MAST2: variants seen among roughly 807,000 people sequenced by gnomAD.
MAST2 encodes the protein microtubule associated serine/threonine kinase 2, also known as microtubule-associated serine/threonine-protein kinase 2.
A neutral mutation model predicts 147.4 loss-of-function variants in MAST2; 70 were observed. The observed-to-expected ratio is 0.47, with a 90% CI of 0.39 to 0.58. The LOEUF (loss-of-function observed/expected upper bound fraction) is 0.58, where lower values mean the gene tolerates loss of function less well. Among genes scored for constraint, MAST2 ranks in the 20% least tolerant of loss-of-function variants. The pLI is 0.00. For synonymous variants in MAST2, 869 were observed against 896.8 expected (o/e 0.97, Z 0.55); for missense variants, 2,080 against 2,302.3 (o/e 0.90, Z 1.98).
chr1:45,944,827 T>G (rs909482654), intron 4 of MAST2, among the ~76,000 whole-genome samples: 1 of 152,234 alleles, frequency 6.6e-6, no homozygotes, highest in Admixed American at 6.5e-5. Flanking sequence ...GGAAGCCTCC[T>G]GTCCTTCTGT....
chr1:46,024,005 A>G (rs1369412308), intron 15 of MAST2, 25 bp downstream of exon 15: 7 of 1,608,710 alleles, frequency 4.4e-6, no homozygotes, highest in Non-Finnish European at 6.0e-6. Flanking sequence ...GTGGCCTGGC[A>G]TGGAGGCCAA....
intron 4 of MAST2, among the ~76,000 whole-genome samples, chr1:45,923,277 C>T (rs1161746439): frequency 5.3e-5 from 8 of 152,158 alleles, no homozygotes; most frequent in African/African-American, 7.2e-5. Flanking sequence ...TCCACCTTGG[C>T]GTCTGCACCG....
At chr1:45,861,528 A>G (rs910750101) in intron 3 of MAST2, among the ~76,000 whole-genome samples, 1 of 152,162 alleles carries the variant, frequency 6.6e-6, no homozygotes. Flanking sequence ...CTTTACCACT[A>G]AAGTTACAAA....
At position 45,839,215 on chromosome 1, in the gene MAST2, G is replaced by A. The variant is rs187089563; in HGVS notation, c.468+9634G>A. ...ATGGTCTCAGCTCACTGCGACCTCC[G>A]CCTCCCGGGTTCAAGTGATTCTGCT... On this transcript the variant is annotated intron_variant, in intron 3 of 28. Coordinates refer to ENST00000361297, the MANE Select transcript of MAST2 (RefSeq NM_015112.3). 1.3e-3 allele frequency among the ~76,000 whole-genome samples: 193 copies of A among 148,668 alleles called. 1 individual carries two copies. Among genetic ancestry groups the A allele is most frequent in the Non-Finnish European group, 2.4e-3 (162 of 67,658 alleles).
At chr1:46,002,939 T>A in intron 7 of MAST2, 56 bp downstream of exon 7, 2 of 1,510,174 alleles carry the variant, frequency 1.3e-6, no homozygotes, top group Non-Finnish European at 1.8e-6. Context: ...TACTTCCCTT[T>A]GGGTTATCTA....
chr1:45,845,202 A>G (rs1463794104), intron 3 of MAST2, among the ~76,000 whole-genome samples: 1 of 152,162 alleles, frequency 6.6e-6, no homozygotes. Flanking sequence ...CGTTTATGCA[A>G]GTTTTTGGTA....
At chr1:45,896,310 TG>T (rs1648732012) in intron 4 of MAST2, among the ~76,000 whole-genome samples, 1 of 152,096 alleles carries the variant, frequency 6.6e-6, no homozygotes, top group Non-Finnish European at 1.5e-5. Context: ...GGATTACAGG[TG>T]TGAGCCACTG....
At chr1:45,959,971 A>G (rs1241396897) in intron 5 of MAST2, among the ~76,000 whole-genome samples, 1 of 152,144 alleles carries the variant, frequency 6.6e-6, no homozygotes. Context: ...AGGTCTCTCT[A>G]TGTTGCCCAG....
intron 3 of MAST2, among the ~76,000 whole-genome samples, chr1:45,877,377 T>C (rs1357717720): frequency 6.6e-6 from 1 of 152,108 alleles, no homozygotes; most frequent in Non-Finnish European, 1.5e-5. Flanking sequence ...CAGGTGCACA[T>C]CACCATGCCT....
rs377208687 is a variant in MAST2, at chr1:45,815,793, A to G, written c.178-8640A>G. Among the ~76,000 whole-genome samples the G allele has an allele frequency of 6.6e-5, 10 of 152,174 alleles. No individual in the cohort carries two copies. The East Asian group carries it at 7.7e-4, about 12-fold the overall frequency. On this transcript the variant is annotated intron_variant, in intron 1 of 28. Coordinates refer to ENST00000361297, the MANE Select transcript of MAST2 (RefSeq NM_015112.3). ...GCTGAGGAAAGTGGAGGATGGGCCA[A>G]TCCTAGAAATGGATTAATCACTTCC...
At position 45,996,675 on chromosome 1, in the gene MAST2, T is replaced by C. The variant is rs529342130; in HGVS notation, c.593-1049T>C. Among the ~76,000 whole-genome samples, 3 of 152,260 alleles carry C rather than the reference T, an allele frequency of 2.0e-5. No homozygotes were observed. In the East Asian group the frequency reaches 5.8e-4, roughly 29 times the overall value. On this transcript the variant is annotated intron_variant, in intron 5 of 28. Coordinates refer to ENST00000361297, the MANE Select transcript of MAST2 (RefSeq NM_015112.3). ...TATATAATTGATACAGAGGTGCTGC[T>C]GCATAGGGTAGTAGGAGCACTGATT...
chr1:45,914,898 A>G lies in MAST2; in HGVS notation c.500+32503A>G, dbSNP rs542310028. Among the ~76,000 whole-genome samples, 1,118 of 152,336 alleles carry G rather than the reference A, an allele frequency of 7.3e-3. 14 individuals are homozygous for G. Among genetic ancestry groups the G allele is most frequent in the African/African-American group, 0.026 (1,068 of 41,578 alleles). ...CTTGTTAACAAAATTAAAAATTTTT[A>G]AATGGAGTTTGTAGCTTAAGAAAAC... On this transcript the variant is annotated intron_variant, in intron 4 of 28. Transcript: ENST00000361297.
chr1:45,988,969 G>T (rs1031057255), intron 5 of MAST2, among the ~76,000 whole-genome samples: 7 of 152,106 alleles, frequency 4.6e-5, no homozygotes, highest in African/African-American at 1.7e-4. Context: ...TTTTAAATTG[G>T]AGAACAGTAT....
intron 4 of MAST2, among the ~76,000 whole-genome samples, chr1:45,899,307 CTTTTTTT>C (rs770069959): frequency 8.3e-5 from 9 of 108,030 alleles, no homozygotes; most frequent in African/African-American, 2.9e-4. Context: ...CCTTTCTTTT[CTTTTTTT>C]TTTTTTTTTT....
intron 21 of MAST2, 35 bp downstream of exon 21, chr1:46,030,273 G>C: frequency 1.3e-6 from 2 of 1,598,124 alleles, no homozygotes; most frequent in Non-Finnish European, 1.7e-6. Context: ...GGCAGAACAG[G>C]CTGGAGGATC....
chr1:45,886,050 G>C (rs925699352), intron 4 of MAST2, among the ~76,000 whole-genome samples: 5 of 151,848 alleles, frequency 3.3e-5, no homozygotes, highest in African/African-American at 4.8e-5. Context: ...GATCGCTTGA[G>C]TTCAGGAGTT....
chr1:45,945,855 A>T (rs1421991437), intron 4 of MAST2, among the ~76,000 whole-genome samples: 1 of 152,130 alleles, frequency 6.6e-6, no homozygotes, highest in Non-Finnish European at 1.5e-5. Flanking sequence ...AGACAAACCA[A>T]ATATACCACA....
chr1:45,937,811 C>T (rs185552290), intron 4 of MAST2, among the ~76,000 whole-genome samples: 31 of 145,694 alleles, frequency 2.1e-4, no homozygotes, highest in Admixed American at 7.6e-4. Flanking sequence ...TCAACGTAAG[C>T]GATTCAATGG....
chr1:45,862,161 G>C (rs4660894), intron 3 of MAST2, among the ~76,000 whole-genome samples: 7,471 of 152,228 alleles, frequency 0.049, 881 homozygotes, highest in East Asian at 0.48. Context: ...AGGAAACCAG[G>C]TTGTGGCAGG....
Sources: allele counts gnomAD v4.1 joint callset (sites outside exome capture counted in the v4.1 genomes callset), GRCh38; gene constraint gnomAD v4.1.1; transcripts MANE v1.5; gene names NCBI Gene and HGNC (gene_info 2026-07-23, HGNC 2026-07-21).